The following LCA5 variants were observed in gnomAD, a reference collection of about 807,000 sequenced individuals.
LCA5 encodes lebercilin.
A neutral mutation model predicts 53.0 loss-of-function variants in LCA5; 37 were observed. That is an observed-to-expected ratio of 0.70 (90% CI 0.54 to 0.92). LCA5 has a LOEUF of 0.92. Among genes scored for constraint, LCA5 ranks in the 40% least tolerant of loss-of-function variants. LCA5 has a pLI of 0.00. For missense variants in LCA5, 806 were observed against 790.5 expected, an observed-to-expected ratio of 1.02 and a Z score of -0.23; for synonymous variants, 303 against 282.9, an observed-to-expected ratio of 1.07 and a Z score of -0.71.
chr6:79,512,274 G>C (rs1161895016), intron 3 of LCA5, among the ~76,000 whole-genome samples: 2 of 151,988 alleles, frequency 1.3e-5, no homozygotes, highest in Non-Finnish European at 2.9e-5. Flanking sequence ...TACATAATAG[G>C]ATATCTTCTG....
intron 1 of LCA5, among the ~76,000 whole-genome samples, chr6:79,536,045 G>A (rs1031807525): frequency 3.9e-5 from 6 of 152,164 alleles, no homozygotes; most frequent in Admixed American, 1.3e-4. Context: ...CTTTTCCAAA[G>A]TCACAAACTA....
intron 3 of LCA5, among the ~76,000 whole-genome samples, chr6:79,507,847 T>TGGCA (rs1770310407): frequency 6.6e-6 from 1 of 152,116 alleles, no homozygotes; most frequent in Non-Finnish European, 1.5e-5. Context: ...CTGCAAAAGG[T>TGGCA]GGCAGTTCTA....
intron 3 of LCA5, among the ~76,000 whole-genome samples, chr6:79,496,139 C>T (rs2575200): frequency 0.47 from 72,147 of 152,046 alleles, 18,074 homozygotes; most frequent in East Asian, 0.82. Flanking sequence ...TAAAACAATG[C>T]TATTTATCTA....
Position 79,491,692 on chromosome 6 carries a change from C to A in LCA5, c.994G>T (p.Gly332Ter). Residue 332 changes from glycine (G) to a stop codon, truncating the protein, a stop_gained, in exon 6 of 8, where the codon GGA (glycine) becomes TGA (stop). Transcript: ENST00000369846. LOFTEE classifies it high-confidence loss of function. ...TTGAAGTCTTCCATGGTTTGTACTC[C>A]TTTTGTACACAGGTCTGCAAAATCA... ...QSDFADLCTKGVQTMEDFKPE... is the reference protein window; with the variant it reads ...QSDFADLCTK 6.2e-7 allele frequency: 1 copy of A among 1,612,986 alleles called. No individual in the cohort carries two copies. The highest frequency in any genetic ancestry group is 8.5e-7 in the Non-Finnish European group (1 of 1,179,228).
At position 79,519,017 on chromosome 6, in the gene LCA5, T is replaced by C; in HGVS notation, c.-123A>G. On this transcript the variant is annotated 5_prime_UTR_variant, in exon 2 of 8. Transcript: ENST00000369846. ...CCTGATAATATTCATTTCTGTGCAA[T>C]CTATTTTCTCCACAATGTATTTGTA... is the stretch of plus-strand genomic sequence containing the variant. 1 of 998,960 alleles carries C rather than the reference T, an allele frequency of 1.0e-6. No individual in the cohort carries two copies. The highest frequency in any genetic ancestry group is 1.7e-5 in the Admixed American group (1 of 58,282). The allele number at this position is 998,960 out of a possible 1,614,324, so 61.9% of individuals were successfully genotyped here. A position where few individuals can be genotyped will look rare whatever the true frequency, so the allele number is the denominator to read the frequency against.
At chr6:79,523,793 C>T (rs1766697466) in intron 1 of LCA5, among the ~76,000 whole-genome samples, 1 of 152,050 alleles carries the variant, frequency 6.6e-6, no homozygotes, top group African/African-American at 2.4e-5. Context: ...CTCTCCCTGC[C>T]CCCCCTCAAA....
Position 79,503,800 on chromosome 6 carries a change from G to A in LCA5, c.720+9412C>T, listed in dbSNP as rs1045324133. On this transcript the variant is annotated intron_variant, in intron 3 of 7. Transcript: ENST00000369846. ...AGAATTTGAAACTGTGTGTGTGTGCGCGCGTGCGCGTGCGTATAAAGTTCC... is the reference window on the plus strand; with the variant it reads ...AGAATTTGAAACTGTGTGTGTGTGCACGCGTGCGCGTGCGTATAAAGTTCC... Among the ~76,000 whole-genome samples, 10 of 152,066 alleles carry A rather than the reference G, an allele frequency of 6.6e-5. No homozygotes were observed. The East Asian group carries it at 1.3e-3, about 21-fold the overall frequency.
Position 79,491,734 on chromosome 6 carries a change from CA to C in LCA5, c.956-5del, listed in dbSNP as rs1383933327. 12 of 1,611,446 alleles carry C rather than the reference CA, an allele frequency of 7.4e-6. No homozygotes were observed. Among genetic ancestry groups the C allele is most frequent in the South Asian group, 6.6e-5 (6 of 90,972 alleles). ...GCAAAATCACTCTGGCATGCAGCTA[CA>C]GTGAAAATTATTTTTAAAAAATTAT... is the stretch of plus-strand genomic sequence containing the variant. On this transcript the variant is annotated splice_polypyrimidine_tract_variant and splice_region_variant and intron_variant, in intron 5 of 7. Coordinates refer to ENST00000369846, the MANE Select transcript of LCA5 (RefSeq NM_001122769.3).
intron 6 of LCA5, among the ~76,000 whole-genome samples, chr6:79,489,632 T>C (rs751075567): frequency 6.6e-6 from 1 of 152,162 alleles, no homozygotes; most frequent in Non-Finnish European, 1.5e-5. Flanking sequence ...GACAATATTA[T>C]GTCCAACCCC....
rs756564264 is a variant in LCA5, at chr6:79,487,827, T to G, written c.1271A>C (p.Lys424Thr). ...TTCTTCTCTTTCCAGTAAAGATGCCTTTTCTTTTTGCTTTTTATCAAGTTC... is the reference window on the plus strand; with the variant it reads ...TTCTTCTCTTTCCAGTAAAGATGCCGTTTCTTTTTGCTTTTTATCAAGTTC... ...REELDKKQKE[K>T]ASLLEREEKP... The change falls in exon 8 of 8, where the codon AAG (lysine) becomes ACG (threonine). Residue 424 changes from lysine (K) to threonine (T), a missense_variant. By Grantham distance (78) the Lys-to-Thr change is moderately conservative. Transcript: ENST00000369846. 6.2e-7 allele frequency: 1 copy of G among 1,608,520 alleles called. No individual in the cohort carries two copies. Among genetic ancestry groups the G allele is most frequent in the South Asian group, 1.1e-5 (1 of 89,160 alleles).
intron 3 of LCA5, among the ~76,000 whole-genome samples, chr6:79,494,762 G>T (rs910255478): frequency 3.3e-5 from 5 of 152,064 alleles, no homozygotes; most frequent in African/African-American, 9.7e-5. Flanking sequence ...ACTAAATTCT[G>T]CTGTTCATTA....
rs150427370 is a variant in LCA5 at position 79,504,803 on chromosome 6, T to C, written c.720+8409A>G. The stretch of plus-strand genomic sequence containing the variant: ...AAGCATGAGACTGATTTTTTTCGTG[T>C]GTGTGCAAAAATACACATACATATC... On this transcript the variant is annotated intron_variant, in intron 3 of 7. Transcript: ENST00000369846. 7.1e-3 allele frequency among the ~76,000 whole-genome samples: 1,080 copies of C among 152,286 alleles called. 14 individuals carry two copies. The highest frequency in any genetic ancestry group is 0.024 in the African/African-American group (1,002 of 41,566).
intron 1 of LCA5, among the ~76,000 whole-genome samples, chr6:79,524,161 G>A (rs1307624793): frequency 1.3e-5 from 2 of 151,988 alleles, no homozygotes; most frequent in Non-Finnish European, 2.9e-5. Context: ...CATTTTCCTC[G>A]AATTTCCTAT....
At chr6:79,527,554 AGCAGC>A (rs1766827580) in intron 1 of LCA5, among the ~76,000 whole-genome samples, 1 of 152,214 alleles carries the variant, frequency 6.6e-6, no homozygotes, top group Non-Finnish European at 1.5e-5. Context: ...TACAGATTAC[AGCAGC>A]GCATGACTCC....
chr6:79,524,068 A>C (rs1766710812), intron 1 of LCA5, among the ~76,000 whole-genome samples: 1 of 152,144 alleles, frequency 6.6e-6, no homozygotes, highest in Non-Finnish European at 1.5e-5. Flanking sequence ...TTAAGTGGAA[A>C]AAACGTTTCT....
intron 6 of LCA5, among the ~76,000 whole-genome samples, chr6:79,491,298 C>T (rs561730517): frequency 9.9e-5 from 15 of 152,108 alleles, no homozygotes; most frequent in African/African-American, 3.6e-4. Context: ...TATTATTATA[C>T]TTTAAGTTTT....
At chr6:79,511,958 A>T (rs888192509) in intron 3 of LCA5, among the ~76,000 whole-genome samples, 2 of 152,116 alleles carry the variant, frequency 1.3e-5, no homozygotes, top group Admixed American at 1.3e-4. Flanking sequence ...CATAAGAGAA[A>T]ACTGCAGTGT....
At chr6:79,492,301 TA>T (rs1245657735) in intron 5 of LCA5, among the ~76,000 whole-genome samples, 1 of 151,898 alleles carries the variant, frequency 6.6e-6, no homozygotes, top group African/African-American at 2.4e-5. Flanking sequence ...TCAAAAACAT[TA>T]AAAAATTATA....
intron 1 of LCA5, among the ~76,000 whole-genome samples, chr6:79,533,679 G>A (rs1343676745): frequency 2.0e-5 from 3 of 149,818 alleles, no homozygotes; most frequent in Non-Finnish European, 4.4e-5. Flanking sequence ...AGTGCCAGAA[G>A]TTTCTTTTAT....
Sources: gnomAD v4.1 joint callset for allele counts (sites outside exome capture counted in the v4.1 genomes callset) on GRCh38, gnomAD v4.1.1 for gene constraint, MANE v1.5 for transcripts, NCBI Gene and HGNC (gene_info 2026-07-23, HGNC 2026-07-21) for gene names.